MAP4K3: variants seen among roughly 807,000 people sequenced by gnomAD.
The protein encoded by MAP4K3 is mitogen-activated protein kinase kinase kinase kinase 3, also known as MAPK/ERK kinase kinase kinase 3.
Under a neutral mutation model 143.5 loss-of-function variants are expected in MAP4K3, and 94 were observed. That is an observed-to-expected ratio of 0.65 (90% CI 0.55 to 0.78). The LOEUF is 0.78. MAP4K3 is among the 30% of genes least tolerant of loss of function. MAP4K3 has a pLI of 0.00. For synonymous variants in MAP4K3, 416 were observed against 347.2 expected (o/e 1.20, Z -2.20); for missense variants, 1,077 against 1,068.1 (o/e 1.01, Z -0.12).
intron 1 of MAP4K3, 197 bp downstream of exon 1, chr2:39,436,695 G>A (rs370287919): frequency 1.0e-5 from 6 of 586,062 alleles, no homozygotes; most frequent in East Asian, 2.9e-5. Flanking sequence ...TCAGGTAAGG[G>A]CTGGGGAGGT....
intron 13 of MAP4K3, among the ~76,000 whole-genome samples, chr2:39,314,520 C>G (rs992327224): frequency 6.6e-6 from 1 of 152,198 alleles, no homozygotes; most frequent in African/African-American, 2.4e-5. Context: ...GATCACACAA[C>G]TAACTGCTGG....
At chr2:39,283,805 G>A (rs1327816159) in intron 21 of MAP4K3, 2 of 152,118 alleles carry the variant, frequency 1.3e-5, no homozygotes, top group Non-Finnish European at 2.9e-5. Context: ...CTTTAAACAT[G>A]AACTTTGTGA....
chr2:39,345,302 G>C (rs1178507138), intron 3 of MAP4K3, among the ~76,000 whole-genome samples: 2 of 151,918 alleles, frequency 1.3e-5, no homozygotes, highest in Non-Finnish European at 2.9e-5. Flanking sequence ...GGGGGTCGGG[G>C]GGAAGGTGCA....
chr2:39,303,583 A>G (rs903991917), intron 15 of MAP4K3, among the ~76,000 whole-genome samples: 6 of 152,152 alleles, frequency 3.9e-5, no homozygotes, highest in African/African-American at 1.2e-4. Context: ...CTGTCACCCA[A>G]GCTGGAGTGC....
chr2:39,372,091 A>G (rs1007411732), intron 2 of MAP4K3, among the ~76,000 whole-genome samples: 2 of 151,906 alleles, frequency 1.3e-5, no homozygotes, highest in Non-Finnish European at 2.9e-5. Flanking sequence ...GTAAAGCTGC[A>G]GGACACAAAA....
At chr2:39,359,867 G>A (rs1250252612) in intron 2 of MAP4K3, among the ~76,000 whole-genome samples, 1 of 152,224 alleles carries the variant, frequency 6.6e-6, no homozygotes, top group African/African-American at 2.4e-5. Flanking sequence ...CACAGCAGGG[G>A]GAGCCCTGGG....
In MAP4K3 at chr2:39,433,103, T is replaced by C. The variant is rs376083337; in HGVS notation, c.96+3789A>G. ...GTCTTTAACCTACTCATGGTATGGC[T>C]TTTCCTGAAGCACCCCAACCACACT... On this transcript the variant is annotated intron_variant, in intron 1 of 33. Transcript: ENST00000263881. 3.3e-5 allele frequency among the ~76,000 whole-genome samples: 5 copies of C among 152,178 alleles called. No individual in the cohort carries two copies. In the East Asian group the frequency reaches 9.6e-4, roughly 29 times the overall value.
chr2:39,401,171 C>T (rs986385499), intron 1 of MAP4K3, among the ~76,000 whole-genome samples: 11 of 152,122 alleles, frequency 7.2e-5, no homozygotes, highest in South Asian at 6.3e-4. Context: ...AGCTAGAATT[C>T]GTAGGACAGA....
intron 4 of MAP4K3, among the ~76,000 whole-genome samples, chr2:39,339,462 TG>T (rs1162302425): frequency 1.3e-5 from 2 of 152,004 alleles, no homozygotes; most frequent in African/African-American, 2.4e-5. Context: ...AGGAGACAAA[TG>T]AAAAACAGAA....
chr2:39,432,579 T>C (rs1044078152), intron 1 of MAP4K3, among the ~76,000 whole-genome samples: 1 of 152,226 alleles, frequency 6.6e-6, no homozygotes, highest in Non-Finnish European at 1.5e-5. Flanking sequence ...CTTTTCTAAA[T>C]GCTTAAGGTC....
intron 1 of MAP4K3, among the ~76,000 whole-genome samples, chr2:39,405,195 C>T (rs959161302): frequency 1.3e-5 from 2 of 152,214 alleles, no homozygotes; most frequent in African/African-American, 2.4e-5. Context: ...TGTGTCACCC[C>T]TCCCCCAGCT....
At chr2:39,299,538 T>C (rs1418289112) in intron 16 of MAP4K3, among the ~76,000 whole-genome samples, 2 of 152,136 alleles carry the variant, frequency 1.3e-5, no homozygotes, top group African/African-American at 2.4e-5. Context: ...TGTAGCTTGA[T>C]ATAAAAAAAT....
intron 4 of MAP4K3, among the ~76,000 whole-genome samples, chr2:39,342,055 C>CATGTTA (rs908756423): frequency 2.6e-5 from 4 of 151,934 alleles, no homozygotes; most frequent in Admixed American, 1.3e-4. Context: ...GTCACACCTT[C>CATGTTA]ATGTTACTGT....
chr2:39,388,330 A>T (rs1666565883), intron 1 of MAP4K3, among the ~76,000 whole-genome samples: 2 of 152,262 alleles, frequency 1.3e-5, no homozygotes, highest in Admixed American at 1.3e-4. Context: ...AAATATCTAG[A>T]AATAGCAGAC....
intron 2 of MAP4K3, among the ~76,000 whole-genome samples, chr2:39,360,730 A>T (rs138945186): frequency 6.6e-6 from 1 of 152,312 alleles, no homozygotes; most frequent in African/African-American, 2.4e-5. Flanking sequence ...ACATGGTGGC[A>T]GGTGGAAGAA....
At chr2:39,373,067 A>G (rs922133500) in intron 2 of MAP4K3, among the ~76,000 whole-genome samples, 1 of 152,228 alleles carries the variant, frequency 6.6e-6, no homozygotes, top group Non-Finnish European at 1.5e-5. Context: ...ACCAGATTAT[A>G]TAAGGAGCTC....
At chr2:39,314,868 T>C (rs1314326009) in intron 13 of MAP4K3, among the ~76,000 whole-genome samples, 1 of 152,174 alleles carries the variant, frequency 6.6e-6, no homozygotes, top group Non-Finnish European at 1.5e-5. Context: ...AGTTTCCAGG[T>C]TACTCAGATG....
At chr2:39,354,379 C>G (rs1432990899) in intron 3 of MAP4K3, among the ~76,000 whole-genome samples, 1 of 151,920 alleles carries the variant, frequency 6.6e-6, no homozygotes, top group Non-Finnish European at 1.5e-5. Context: ...GGAGGTGGAG[C>G]TTGCAGTGAG....
At chr2:39,320,967 A>G (rs1487528699) in intron 12 of MAP4K3, among the ~76,000 whole-genome samples, 1 of 152,188 alleles carries the variant, frequency 6.6e-6, no homozygotes, top group African/African-American at 2.4e-5. Flanking sequence ...GGTACATCTC[A>G]GGGAAAAAAT....
Sources: gnomAD v4.1 joint callset for allele counts (sites outside exome capture counted in the v4.1 genomes callset) on GRCh38, gnomAD v4.1.1 for gene constraint, MANE v1.5 for transcripts, NCBI Gene and HGNC (gene_info 2026-07-23, HGNC 2026-07-21) for gene names.